The following UCP3 variants were observed in gnomAD, a reference collection of about 807,000 sequenced individuals.
The protein encoded by UCP3 is putative mitochondrial transporter UCP3.
Under a neutral mutation model 28.1 loss-of-function variants are expected in UCP3, and 24 were observed. That is an observed-to-expected ratio of 0.85 (90% CI 0.62 to 1.20). The LOEUF (loss-of-function observed/expected upper bound fraction) is 1.20. UCP3 is among the 50% of genes most tolerant of loss of function. The probability of loss-of-function intolerance (pLI) is 0.00; values close to 1 mark genes in which losing one functional copy is unlikely to be tolerated. For synonymous variants in UCP3, 184 were observed against 171.2 expected, an observed-to-expected ratio of 1.07 and a Z score of -0.59; for missense variants, 397 against 422.2, an observed-to-expected ratio of 0.94 and a Z score of 0.52.
chr11:74,003,184 G>C (rs1326387077), intron 6 of UCP3, among the ~76,000 whole-genome samples: 6 of 152,248 alleles, frequency 3.9e-5, no homozygotes, highest in African/African-American at 1.4e-4. Flanking sequence ...CTCACTTTGT[G>C]TGAGGGACTG....
chr11:74,005,847 C>T lies in UCP3; in HGVS notation c.424G>A (p.Val142Ile), dbSNP rs771978130. 1.1e-5 allele frequency: 17 copies of T among 1,614,066 alleles called. No individual in the cohort carries two copies. In the Middle Eastern group the frequency reaches 4.9e-4, roughly 47 times the overall value. Reference sequence around the variant, plus strand: ...AGGTGTATGCTGGCCTGAAATCGGACCTTCACCACATCTGTGGGCTGGGCA... The same window carrying T: ...AGGTGTATGCTGGCCTGAAATCGGATCTTCACCACATCTGTGGGCTGGGCA... ...TCAQPTDVVKVRFQASIHLGP... is the reference protein window; with the variant it reads ...TCAQPTDVVKIRFQASIHLGP... Residue 142 changes from valine to isoleucine, a missense_variant, in exon 4 of 7, where the codon GTC (valine) becomes ATC (isoleucine). Physicochemically the swap from Val to Ile is conservative, Grantham distance 29 (BLOSUM62 3). Coordinates refer to ENST00000314032, the MANE Select transcript of UCP3 (RefSeq NM_003356.4).
chr11:74,007,169 A>T, intron 1 of UCP3, 32 bp from the exon 2 acceptor site: 1 of 1,293,586 alleles, frequency 7.7e-7, no homozygotes, highest in African/African-American at 1.5e-5. Flanking sequence ...AGGCTGATGG[A>T]GTGATGTCTG....
Position 74,006,286 on chromosome 11 carries a change from G to A in UCP3, c.220C>T (p.Pro74Ser). The change falls in exon 3 of 7, where the codon CCC becomes TCC. Residue 74 changes from proline (P) to serine (S), a missense_variant. Transcript: ENST00000314032. ...ACCAGCCCATTGTAGGGGCTGCAGGGACCCTCAGTCCGCACCATGGTCAGG... is the reference window on the plus strand; with the variant it reads ...ACCAGCCCATTGTAGGGGCTGCAGGAACCCTCAGTCCGCACCATGGTCAGG... ...TILTMVRTEG[P>S]CSPYNGLVAG... 1 of 1,612,828 alleles carries A rather than the reference G, an allele frequency of 6.2e-7. No individual in the cohort carries two copies. Among genetic ancestry groups the A allele is most frequent in the Non-Finnish European group, 8.5e-7 (1 of 1,179,910 alleles).
At position 74,003,880 on chromosome 11, in the gene UCP3, G is replaced by A. The variant is rs760694580; in HGVS notation, c.771C>T (p.Leu257=). 29 of 1,613,962 alleles carry A rather than the reference G, an allele frequency of 1.8e-5. No individual in the cohort carries two copies. The South Asian group carries it at 2.4e-4, about 13-fold the overall frequency. The change falls in exon 6 of 7, where the codon CTC becomes CTT. Residue 257 remains leucine, a synonymous_variant. Coordinates refer to ENST00000314032, the MANE Select transcript of UCP3 (RefSeq NM_003356.4). ...GGGCCACCATCTTTATCATACAGTC[G>A]AGGGGGCTGAAGTACTGGCCTGGAG... ...NSPPGQYFSP[L]DCMIKMVAQE...
chr11:74,007,396 C>T (rs1200754169), intron 1 of UCP3: 2 of 228,074 alleles, frequency 8.8e-6, no homozygotes, highest in Non-Finnish European at 1.8e-5. Context: ...ATGAGGAAAC[C>T]GAGGCTCAGG....
In UCP3 at chr11:74,005,905, G is replaced by A. The variant is rs140869187; in HGVS notation, c.366C>T (p.Ala122=). Residue 122 remains alanine, a synonymous_variant, in exon 4 of 7, where the codon GCC becomes GCT. Coordinates refer to ENST00000314032, the MANE Select transcript of UCP3 (RefSeq NM_003356.4). Reference sequence around the variant, plus strand: ...CCGCCATGGCTCCTGTGGTGCAGCCGGCCAAAATCCGGGTAGTGAGGCTGG... The same window carrying A: ...CCGCCATGGCTCCTGTGGTGCAGCCAGCCAAAATCCGGGTAGTGAGGCTGG... ...DNSSLTTRIL[A]GCTTGAMAVT... 4.0e-4 allele frequency: 639 copies of A among 1,614,006 alleles called. No homozygotes were observed. Among genetic ancestry groups the A allele is most frequent in the Non-Finnish European group, 5.2e-4 (610 of 1,180,022 alleles).
In UCP3 at chr11:74,004,599, G is replaced by C. The variant is rs372722476; in HGVS notation, c.542-14C>G. ...TGGGCAAAGTTCCTGTTAGGAAGGCGGTGGGGAGGGATGTGAAATGGGTGG... is the reference window on the plus strand; with the variant it reads ...TGGGCAAAGTTCCTGTTAGGAAGGCCGTGGGGAGGGATGTGAAATGGGTGG... On this transcript the variant is annotated splice_polypyrimidine_tract_variant and intron_variant, in intron 4 of 6. Coordinates refer to ENST00000314032, the MANE Select transcript of UCP3 (RefSeq NM_003356.4). 1.9e-6 allele frequency: 3 copies of C among 1,610,496 alleles called. No individual in the cohort carries two copies. The highest frequency in any genetic ancestry group is 4.5e-5 in the East Asian group (2 of 44,814).
chr11:74,008,318 T>A (rs1383206964), intron 1 of UCP3, among the ~76,000 whole-genome samples: 2 of 152,156 alleles, frequency 1.3e-5, no homozygotes, highest in African/African-American at 4.8e-5. Context: ...GCCCCAGAGA[T>A]CCTGATTTAG....
At position 74,001,620 on chromosome 11, in the gene UCP3, A is replaced by T; in HGVS notation, c.825-94T>A. ...CGGGACACAGTGGTAGTGCCAGAGG[A>T]TCCAGACTTCTGTTCATCACAAGCA... On this transcript the variant is annotated intron_variant, in intron 6 of 6. Coordinates refer to ENST00000314032, the MANE Select transcript of UCP3 (RefSeq NM_003356.4). The T allele has an allele frequency of 3.7e-6, 4 of 1,080,816 alleles. No individual in the cohort carries two copies. In the South Asian group the frequency reaches 5.2e-5, roughly 14 times the overall value. The allele number at this position is 1,080,816 out of a possible 1,614,324, so 67.0% of individuals were successfully genotyped here. A position where few individuals can be genotyped will look rare whatever the true frequency, so the allele number is the denominator to read the frequency against.
At position 74,005,748 on chromosome 11, in the gene UCP3, C is replaced by T. The variant is rs745398031; in HGVS notation, c.523G>A (p.Val175Ile). The change falls in exon 4 of 7, where the codon GTC (valine) becomes ATC (isoleucine). Residue 175 changes from valine to isoleucine, a missense_variant. Physicochemically the swap from Val to Ile is conservative, Grantham distance 29 (BLOSUM62 3). Coordinates refer to ENST00000314032, the MANE Select transcript of UCP3 (RefSeq NM_003356.4). ...GACCTACCTTTCCACAGGCCCCTGA[C>T]TCCTTCCTCCCTGGCGATGGTTCTG... ...AYRTIAREEGVRGLWKGTLPN... is the reference protein window; with the variant it reads ...AYRTIAREEGIRGLWKGTLPN... 6.2e-7 allele frequency: 1 copy of T among 1,614,226 alleles called. No individual in the cohort carries two copies.
chr11:74,006,427 G>A, intron 2 of UCP3, 48 bp from the exon 3 acceptor site: 1 of 1,474,366 alleles, frequency 6.8e-7, no homozygotes, highest in Non-Finnish European at 9.0e-7. Flanking sequence ...AAGGCAAGAA[G>A]GGGCTGCGTG....
In UCP3 at chr11:74,001,322, G is replaced by T; in HGVS notation, c.*90C>A. ...ACAACAGTTCTGTAAACATGTGTGGGTCTGTGTCCATGTGTGCGTGGATGC... is the reference window on the plus strand; with the variant it reads ...ACAACAGTTCTGTAAACATGTGTGGTTCTGTGTCCATGTGTGCGTGGATGC... On this transcript the variant is annotated 3_prime_UTR_variant, in exon 7 of 7. Coordinates refer to ENST00000314032, the MANE Select transcript of UCP3 (RefSeq NM_003356.4). 1 of 1,171,726 alleles carries T rather than the reference G, an allele frequency of 8.5e-7. No homozygotes were observed. The highest frequency in any genetic ancestry group is 1.3e-6 in the Non-Finnish European group (1 of 790,986). 72.6% of individuals were successfully genotyped at this position (1,171,726 alleles called of 1,614,324 possible). A position where few individuals can be genotyped will look rare whatever the true frequency, so the allele number is the denominator to read the frequency against.
intron 1 of UCP3, chr11:74,007,380 GTA>G (rs902589548): frequency 1.1e-4 from 30 of 279,488 alleles, no homozygotes; most frequent in Middle Eastern, 1.2e-3. Flanking sequence ...TACCTGCACT[GTA>G]TACATGAGGA....
intron 6 of UCP3, chr11:74,003,487 G>A: frequency 9.7e-7 from 1 of 1,029,186 alleles, no homozygotes; most frequent in African/African-American, 1.7e-5. Context: ...CGTGGAGCGT[G>A]TGGAGACAGT....
chr11:74,006,525 A>G, intron 2 of UCP3, 146 bp from the exon 3 acceptor site: 1 of 793,934 alleles, frequency 1.3e-6, no homozygotes, highest in Non-Finnish European at 1.9e-6. Flanking sequence ...GTGTCTGCGC[A>G]GCATTTTACC....
intron 6 of UCP3, 97 bp downstream of exon 6, chr11:74,003,730 C>T (rs1478625832): frequency 6.6e-7 from 1 of 1,506,696 alleles, no homozygotes; most frequent in African/African-American, 1.4e-5. Context: ...CTGTACTCTT[C>T]ACCGCTACAT....
rs370212766 is a variant in UCP3 at position 74,006,194 on chromosome 11, C to A, written c.312G>T (p.Gln104His). 2.6e-4 allele frequency: 415 copies of A among 1,614,068 alleles called. 1 individual carries two copies. The highest frequency in any genetic ancestry group is 3.4e-4 in the Non-Finnish European group (406 of 1,180,054). The change falls in exon 3 of 7, where the codon CAG becomes CAT. Residue 104 changes from glutamine (Q) to histidine (H), a missense_variant. Gln to His is a conservative substitution (Grantham distance 24, BLOSUM62 0). Coordinates refer to ENST00000314032, the MANE Select transcript of UCP3 (RefSeq NM_003356.4). ...TGTCCGCGCCTTTGGGGGTGTACAC[C>A]TGCTTGACGGAGTCATAGAGGCCGA... ...IRIGLYDSVK[Q>H]VYTPKGADNS... is the part of the protein sequence containing the mutation.
In UCP3 at chr11:74,001,478, G is replaced by A. The variant is rs368039089; in HGVS notation, c.873C>T (p.Phe291=). 7.0e-5 allele frequency: 113 copies of A among 1,614,062 alleles called. No homozygotes were observed. The Middle Eastern group carries it at 8.2e-4, about 12-fold the overall frequency. ...CCCGTTTCAGCTGCTCATAGGTTAC[G>A]AACATCACCACGTTCCAGGATCCCA... The part of the protein sequence containing the change: ...LRLGSWNVVM[F]VTYEQLKRAL... Residue 291 remains phenylalanine (F), a synonymous_variant, in exon 7 of 7, where the codon TTC becomes TTT. Coordinates refer to ENST00000314032, the MANE Select transcript of UCP3 (RefSeq NM_003356.4).
At chr11:74,004,981 C>T (rs1280155237) in intron 4 of UCP3, among the ~76,000 whole-genome samples, 1 of 152,206 alleles carries the variant, frequency 6.6e-6, no homozygotes, top group African/African-American at 2.4e-5. Context: ...CAGCAGGGCC[C>T]TAGGAAACTG....
Sources: gnomAD v4.1 joint callset for allele counts (sites outside exome capture counted in the v4.1 genomes callset) on GRCh38, gnomAD v4.1.1 for gene constraint, MANE v1.5 for transcripts, NCBI Gene and HGNC (gene_info 2026-07-23, HGNC 2026-07-21) for gene names.